The following RBFOX1 variants were observed in gnomAD, a reference collection of about 807,000 sequenced individuals.
RBFOX1 encodes the protein RNA binding protein fox-1 homolog 1.
RBFOX1 carries 8 observed loss-of-function variants against 57.7 expected under a neutral mutation model. The ratio of observed to expected loss-of-function variants is 0.14; its 90% CI spans 0.08 to 0.25. The LOEUF (loss-of-function observed/expected upper bound fraction) is 0.25. Ranked by LOEUF, RBFOX1 falls within the 10% of genes least tolerant of loss-of-function variation. RBFOX1 has a pLI of 1.00. For synonymous variants in RBFOX1, 326 were observed against 222.4 expected (o/e 1.47, Z -4.15); for missense variants, 611 against 548.5 (o/e 1.11, Z -1.14).
chr16:6,742,501 T>A (rs2072484159), intron 3 of RBFOX1, among the ~76,000 whole-genome samples: 2 of 152,130 alleles, frequency 1.3e-5, no homozygotes, highest in African/African-American at 4.8e-5. Flanking sequence ...AAATGAAAGT[T>A]AATGTCCACG....
At chr16:5,703,650 A>G (rs1208363139) in intron 3 of RBFOX1, among the ~76,000 whole-genome samples, 2 of 152,208 alleles carry the variant, frequency 1.3e-5, no homozygotes, top group Non-Finnish European at 1.5e-5. Flanking sequence ...CAGCCACTGA[A>G]TAGGTTACTT....
At chr16:7,185,229 T>C (rs1420230601) in intron 4 of RBFOX1, among the ~76,000 whole-genome samples, 1 of 152,214 alleles carries the variant, frequency 6.6e-6, no homozygotes, top group Non-Finnish European at 1.5e-5. Context: ...CAGTCACTTA[T>C]GACCACAGAA....
chr16:6,941,980 G>C (rs1299282259), intron 3 of RBFOX1, among the ~76,000 whole-genome samples: 1 of 152,122 alleles, frequency 6.6e-6, no homozygotes, highest in East Asian at 1.9e-4. Flanking sequence ...TGTAATCCCA[G>C]CACTTTACCA....
intron 2 of RBFOX1, among the ~76,000 whole-genome samples, chr16:6,520,640 A>G (rs563230191): frequency 3.9e-4 from 59 of 152,298 alleles, no homozygotes; most frequent in African/African-American, 1.4e-3. Context: ...GCTGAAGACT[A>G]TCTTTGAAAA....
intron 3 of RBFOX1, among the ~76,000 whole-genome samples, chr16:5,824,499 G>T (rs564222867): frequency 4.6e-4 from 70 of 152,330 alleles, no homozygotes; most frequent in Non-Finnish European, 8.4e-4. Context: ...TCTTCATGCA[G>T]GGGGCTGCAG....
At chr16:7,202,399 T>C (rs971942267) in intron 4 of RBFOX1, among the ~76,000 whole-genome samples, 1 of 151,630 alleles carries the variant, frequency 6.6e-6, no homozygotes, top group African/African-American at 2.4e-5. Context: ...ATAGTACAGG[T>C]GCTGTGGAAG....
chr16:7,464,077 A>G (rs756198981), intron 4 of RBFOX1, among the ~76,000 whole-genome samples: 6 of 152,230 alleles, frequency 3.9e-5, no homozygotes, highest in East Asian at 3.9e-4. Flanking sequence ...CCTTGTATCT[A>G]TGCCATCTTT....
chr16:7,414,074 A>T (rs2098456272), intron 4 of RBFOX1, among the ~76,000 whole-genome samples: 2 of 152,340 alleles, frequency 1.3e-5, no homozygotes, highest in Admixed American at 6.5e-5. Flanking sequence ...TGGGAGTGAG[A>T]TAAGAATCTG....
downstream of RBFOX1, among the ~76,000 whole-genome samples, chr16:5,604,019 C>T (rs140678866): frequency 0.013 from 2,050 of 152,080 alleles, 13 homozygotes; most frequent in Non-Finnish European, 0.023. Context: ...TCAATGGTGC[C>T]ATTCCCCCCT....
chr16:5,657,008 G>A (rs938688410), intron 3 of RBFOX1, among the ~76,000 whole-genome samples: 1 of 152,086 alleles, frequency 6.6e-6, no homozygotes, highest in Non-Finnish European at 1.5e-5. Context: ...TAGATGATGG[G>A]TTGATGGGTG....
At position 7,709,043 on chromosome 16, in the gene RBFOX1, A is replaced by T. The variant is rs776822682; in HGVS notation, c.996-13A>T. On this transcript the variant is annotated splice_polypyrimidine_tract_variant and intron_variant, in intron 14 of 15. Coordinates refer to ENST00000550418, the MANE Select transcript of RBFOX1 (RefSeq NM_018723.4). ...ATACTGTGGATCAATCTTCACCTCT[A>T]TTTTCCTTTCAGTTACGGACGAGTT... The T allele has an allele frequency of 1.2e-6, 2 of 1,606,710 alleles. No individual in the cohort carries two copies. The highest frequency in any genetic ancestry group is 2.7e-5 in the African/African-American group (2 of 74,648).
intron 3 of RBFOX1, among the ~76,000 whole-genome samples, chr16:6,859,197 G>GTA (rs796642501): frequency 8.5e-4 from 72 of 84,850 alleles, no homozygotes; most frequent in Non-Finnish European, 1.1e-3. Context: ...ATATATATAT[G>GTA]TATATATATA....
chr16:6,543,021 C>T (rs1392759751), intron 2 of RBFOX1, among the ~76,000 whole-genome samples: 3 of 152,142 alleles, frequency 2.0e-5, no homozygotes, highest in African/African-American at 7.2e-5. Flanking sequence ...TCTCCCTCCC[C>T]AGGGCCACAC....
intron 4 of RBFOX1, among the ~76,000 whole-genome samples, chr16:7,399,591 C>T (rs893085959): frequency 2.0e-5 from 3 of 152,198 alleles, no homozygotes; most frequent in Non-Finnish European, 2.9e-5. Flanking sequence ...CAATACCTGA[C>T]ATTTCTGGGC....
chr16:7,062,294 A>G (rs6500910), intron 4 of RBFOX1, among the ~76,000 whole-genome samples: 98,430 of 136,488 alleles, frequency 0.72, 36,002 homozygotes, highest in East Asian at 0.92. Context: ...CTCCAGTCTG[A>G]GAGACAGAGT....
intron 4 of RBFOX1, among the ~76,000 whole-genome samples, chr16:7,334,191 G>A (rs970222441): frequency 6.6e-6 from 1 of 152,024 alleles, no homozygotes; most frequent in African/African-American, 2.4e-5. Context: ...GTCATCTGGG[G>A]GTGATTCCAA....
chr16:5,862,602 A>G (rs1228022094), intron 3 of RBFOX1, among the ~76,000 whole-genome samples: 2 of 152,232 alleles, frequency 1.3e-5, no homozygotes, highest in African/African-American at 4.8e-5. Flanking sequence ...AGCGCTGTCT[A>G]GGATGATAGA....
At chr16:6,192,238 G>A (rs2097146515) in intron 1 of RBFOX1, among the ~76,000 whole-genome samples, 1 of 152,096 alleles carries the variant, frequency 6.6e-6, no homozygotes, top group Non-Finnish European at 1.5e-5. Context: ...TTGGGTGTTG[G>A]GAGGGCATTC....
At chr16:6,755,219 C>T (rs1320150935) in intron 3 of RBFOX1, among the ~76,000 whole-genome samples, 1 of 152,166 alleles carries the variant, frequency 6.6e-6, no homozygotes, top group Non-Finnish European at 1.5e-5. Flanking sequence ...GGTGTATACC[C>T]AGTAATGGGA....
Sources: gnomAD v4.1 joint callset for allele counts (sites outside exome capture counted in the v4.1 genomes callset) on GRCh38, gnomAD v4.1.1 for gene constraint, MANE v1.5 for transcripts, NCBI Gene and HGNC (gene_info 2026-07-23, HGNC 2026-07-21) for gene names.